The following DPP10 variants were observed in gnomAD, a reference collection of about 807,000 sequenced individuals.
DPP10 encodes the protein dipeptidyl peptidase like 10.
In DPP10, 33 loss-of-function variants were observed where a neutral mutation model predicts 120.9. The ratio of observed to expected loss-of-function variants is 0.27; its 90% confidence interval spans 0.21 to 0.37. The LOEUF is 0.37. DPP10 is among the 10% of genes least tolerant of loss of function. The probability of loss-of-function intolerance (pLI) is 1.00; values close to 1 mark genes in which losing one functional copy is unlikely to be tolerated. For missense variants in DPP10, 816 were observed against 942.8 expected (o/e 0.87, Z 1.76); for synonymous variants, 337 against 326.1 (o/e 1.03, Z -0.36).
At chr2:114,825,810 T>C (rs72961612) in intron 1 of DPP10, among the ~76,000 whole-genome samples, 3 of 152,180 alleles carry the variant, frequency 2.0e-5, no homozygotes, top group Non-Finnish European at 2.9e-5. Flanking sequence ...CATGCTACAC[T>C]GTATAGCCTA....
At chr2:114,805,532 A>G (rs1287558082) in intron 1 of DPP10, among the ~76,000 whole-genome samples, 1 of 152,142 alleles carries the variant, frequency 6.6e-6, no homozygotes, top group Non-Finnish European at 1.5e-5. Context: ...ATATAAACAA[A>G]CACTTTCAGT....
intron 1 of DPP10, among the ~76,000 whole-genome samples, chr2:115,259,752 T>A (rs1030107118): frequency 1.3e-5 from 2 of 152,110 alleles, no homozygotes; most frequent in African/African-American, 2.4e-5. Flanking sequence ...GCGGCCTCTG[T>A]CATGACATAT....
At chr2:115,699,052 A>AAAAAAAAAAAAAC (rs2091760937) in intron 7 of DPP10, among the ~76,000 whole-genome samples, 4 of 143,154 alleles carry the variant, frequency 2.8e-5, no homozygotes, top group African/African-American at 1.0e-4. Context: ...AAAAAAAACA[A>AAAAAAAAAAAAAC]GAGAAGACTC....
intron 5 of DPP10, among the ~76,000 whole-genome samples, chr2:115,598,695 A>T (rs1323346504): frequency 1.3e-5 from 2 of 151,866 alleles, no homozygotes; most frequent in African/African-American, 2.4e-5. Flanking sequence ...AGAAATTTTT[A>T]AAATAGGGCT....
intron 1 of DPP10, among the ~76,000 whole-genome samples, chr2:114,968,275 T>C (rs1699172811): frequency 6.6e-6 from 1 of 152,208 alleles, no homozygotes; most frequent in Non-Finnish European, 1.5e-5. Flanking sequence ...AAAAATTTAT[T>C]CAGTTTTCAC....
intron 1 of DPP10, among the ~76,000 whole-genome samples, chr2:115,172,102 G>A (rs1033010580): frequency 6.6e-6 from 1 of 152,202 alleles, no homozygotes; most frequent in Non-Finnish European, 1.5e-5. Flanking sequence ...GTAGCAATTG[G>A]GTGAATCCCT....
intron 1 of DPP10, among the ~76,000 whole-genome samples, chr2:115,042,624 T>C (rs186124727): frequency 6.6e-6 from 1 of 152,318 alleles, no homozygotes; most frequent in African/African-American, 2.4e-5. Context: ...AGAGCTGAAA[T>C]AGTTCTTAAT....
chr2:115,760,201 G>T (rs530354575), intron 11 of DPP10, among the ~76,000 whole-genome samples: 116 of 151,970 alleles, frequency 7.6e-4, no homozygotes, highest in Non-Finnish European at 2.9e-4. Context: ...AGACTTTAAA[G>T]TAAGACTTAT....
intron 3 of DPP10, among the ~76,000 whole-genome samples, chr2:115,426,860 C>G (rs559186550): frequency 6.6e-6 from 1 of 152,296 alleles, no homozygotes; most frequent in African/African-American, 2.4e-5. Flanking sequence ...ATTCAAAAGT[C>G]CAAAGTTTAA....
intron 1 of DPP10, among the ~76,000 whole-genome samples, chr2:114,715,803 A>T: frequency 6.6e-6 from 1 of 152,098 alleles, no homozygotes; most frequent in East Asian, 1.9e-4. Flanking sequence ...TTAATGGATG[A>T]CTATTAATAT....
intron 1 of DPP10, among the ~76,000 whole-genome samples, chr2:114,831,862 A>G (rs1687158358): frequency 6.9e-6 from 1 of 144,336 alleles, no homozygotes; most frequent in Admixed American, 7.0e-5. Flanking sequence ...AAAAAAATAT[A>G]TATATATATA....
At position 114,584,853 on chromosome 2, in the gene DPP10, C is replaced by T. The variant is rs367816171; in HGVS notation, c.60+142015C>T. On this transcript the variant is annotated intron_variant, in intron 1 of 25. Coordinates refer to ENST00000410059, the MANE Select transcript of DPP10 (RefSeq NM_020868.6). ...AAACCAGAAATAGTCTAGGCTAGAA[C>T]CTTAGCACCACCATGAAGACTTGAA... 4.6e-5 allele frequency among the ~76,000 whole-genome samples: 7 copies of T among 151,996 alleles called. No homozygotes were observed. In the East Asian group the frequency reaches 1.4e-3, roughly 30 times the overall value.
intron 5 of DPP10, among the ~76,000 whole-genome samples, chr2:115,611,387 C>A (rs748037796): frequency 2.8e-4 from 43 of 152,150 alleles, no homozygotes; most frequent in Admixed American, 7.9e-4. Flanking sequence ...CACTCTAGCA[C>A]CACAGTAATT....
chr2:114,847,817 A>G (rs1166698134), intron 1 of DPP10, among the ~76,000 whole-genome samples: 2 of 152,190 alleles, frequency 1.3e-5, no homozygotes, highest in Non-Finnish European at 2.9e-5. Flanking sequence ...ATAAATAATA[A>G]GACAGTGCTA....
chr2:114,674,689 T>TAG (rs1365262178), intron 1 of DPP10, among the ~76,000 whole-genome samples: 2 of 152,158 alleles, frequency 1.3e-5, no homozygotes, highest in Non-Finnish European at 2.9e-5. Flanking sequence ...AAAGATGGAC[T>TAG]AGATGCGCTA....
intron 1 of DPP10, among the ~76,000 whole-genome samples, chr2:114,444,219 A>G (rs1677817531): frequency 1.3e-5 from 2 of 152,196 alleles, no homozygotes; most frequent in African/African-American, 4.8e-5. Flanking sequence ...CTTTTGGTAT[A>G]GTTTTCCTCT....
At chr2:115,672,698 C>T (rs2089990575) in intron 5 of DPP10, among the ~76,000 whole-genome samples, 1 of 142,502 alleles carries the variant, frequency 7.0e-6, no homozygotes, top group African/African-American at 2.6e-5. Flanking sequence ...TTCTTTCTTT[C>T]TTTCTTTCTT....
At chr2:115,750,105 G>C (rs1157777216) in intron 10 of DPP10, 2 of 985,260 alleles carry the variant, frequency 2.0e-6, no homozygotes, top group African/African-American at 3.5e-5. Flanking sequence ...ACTGGTCGTG[G>C]AACACCAGAT....
At chr2:115,324,389 T>C (rs557796398) in intron 2 of DPP10, among the ~76,000 whole-genome samples, 1 of 152,334 alleles carries the variant, frequency 6.6e-6, no homozygotes, top group Non-Finnish European at 1.5e-5. Flanking sequence ...CTACATCTTC[T>C]TGATAACTGG....
Sources: gnomAD v4.1 joint callset for allele counts (sites outside exome capture counted in the v4.1 genomes callset) on GRCh38, gnomAD v4.1.1 for gene constraint, MANE v1.5 for transcripts, NCBI Gene and HGNC (gene_info 2026-07-23, HGNC 2026-07-21) for gene names.